ACTR3B: variants seen among roughly 807,000 people sequenced by gnomAD.
ACTR3B encodes the protein actin related protein 3B, also known as actin-related protein 3B.
Under a neutral mutation model 59.0 loss-of-function variants are expected in ACTR3B, and 8 were observed. The observed-to-expected ratio is 0.14, with a 90% CI of 0.08 to 0.24. ACTR3B has a LOEUF of 0.24. ACTR3B is among the 10% of genes least tolerant of loss of function. The pLI is 1.00. For missense variants in ACTR3B, 245 were observed against 552.3 expected, an observed-to-expected ratio of 0.44 and a Z score of 5.58; for synonymous variants, 148 against 197.9, an observed-to-expected ratio of 0.75 and a Z score of 2.12.
At chr7:152,811,678 T>C (rs1795248813) in intron 4 of ACTR3B, 1 of 152,198 alleles carries the variant, frequency 6.6e-6, no homozygotes, top group South Asian at 2.1e-4. Context: ...TTTGATATAT[T>C]TACCCTGTAT....
intron 2 of ACTR3B, among the ~76,000 whole-genome samples, chr7:152,787,261 C>T (rs2098177743): frequency 6.6e-6 from 1 of 152,178 alleles, no homozygotes; most frequent in Non-Finnish European, 1.5e-5. Flanking sequence ...ATTTCTATTT[C>T]TCAGATTACT....
At chr7:152,803,311 G>A (rs2098242705) in intron 4 of ACTR3B, among the ~76,000 whole-genome samples, 1 of 152,192 alleles carries the variant, frequency 6.6e-6, no homozygotes, top group Non-Finnish European at 1.5e-5. Context: ...GCCTCCCAAA[G>A]CGTTGGGATT....
intron 9 of ACTR3B, among the ~76,000 whole-genome samples, chr7:152,827,732 G>A (rs536163411): frequency 2.3e-3 from 343 of 151,658 alleles, no homozygotes; most frequent in African/African-American, 7.6e-3. Flanking sequence ...CTGGAAGCGG[G>A]AGGGTGATAG....
rs534656217 is a variant in ACTR3B at position 152,836,126 on chromosome 7, G to A, written c.951+11004G>A. ...CAGAGATGTGGAGGCCGGAGGGCGGGGGTACAGGTTGGGGTGAGACCTGAG... is the reference window on the plus strand; with the variant it reads ...CAGAGATGTGGAGGCCGGAGGGCGGAGGTACAGGTTGGGGTGAGACCTGAG... On this transcript the variant is annotated intron_variant, in intron 9 of 11. Transcript: ENST00000256001. Among the ~76,000 whole-genome samples, 183 of 151,196 alleles carry A rather than the reference G, an allele frequency of 1.2e-3. 1 individual carries two copies. In the South Asian group the frequency reaches 0.033, roughly 27 times the overall value.
rs2098245316 is a variant in ACTR3B at position 152,804,218 on chromosome 7, A to C, written c.336+2487A>C. Among the ~76,000 whole-genome samples, 4 of 152,200 alleles carry C rather than the reference A, an allele frequency of 2.6e-5. No homozygotes were observed. The South Asian group carries it at 8.3e-4, about 32-fold the overall frequency. ...TCTTCCCCAATATTGCATTGCCCAGAGCTCAGAACGCACTCAGAGATGTCA... is the reference window on the plus strand; with the variant it reads ...TCTTCCCCAATATTGCATTGCCCAGCGCTCAGAACGCACTCAGAGATGTCA... On this transcript the variant is annotated intron_variant, in intron 4 of 11. Coordinates refer to ENST00000256001, the MANE Select transcript of ACTR3B (RefSeq NM_020445.6).
At chr7:152,805,519 ATTATC>A (rs1158502128) in intron 4 of ACTR3B, among the ~76,000 whole-genome samples, 1 of 152,172 alleles carries the variant, frequency 6.6e-6, no homozygotes, top group Non-Finnish European at 1.5e-5. Context: ...CGAATACATG[ATTATC>A]TTGAAATCTC....
chr7:152,763,355 G>A (rs1167080725), intron 1 of ACTR3B, among the ~76,000 whole-genome samples: 1 of 150,284 alleles, frequency 6.7e-6, no homozygotes, highest in African/African-American at 2.4e-5. Flanking sequence ...TCATTTGTGG[G>A]GGAATATTTT....
At chr7:152,845,504 T>C (rs1179697343) in intron 9 of ACTR3B, among the ~76,000 whole-genome samples, 1 of 152,248 alleles carries the variant, frequency 6.6e-6, no homozygotes, top group Non-Finnish European at 1.5e-5. Flanking sequence ...TATTCCGTGC[T>C]GAGCTGGACA....
chr7:152,789,526 G>A (rs1290296383), intron 2 of ACTR3B, among the ~76,000 whole-genome samples: 1 of 150,174 alleles, frequency 6.7e-6, no homozygotes, highest in Non-Finnish European at 1.5e-5. Context: ...CCAGCATATG[G>A]GAATGTTACT....
intron 1 of ACTR3B, among the ~76,000 whole-genome samples, chr7:152,781,389 A>G (rs572481855): frequency 1.3e-5 from 2 of 151,860 alleles, no homozygotes; most frequent in East Asian, 3.9e-4. Flanking sequence ...CTTTTTTACA[A>G]CTGGTGAGAA....
chr7:152,795,410 A>G (rs1471627200), intron 2 of ACTR3B, among the ~76,000 whole-genome samples: 2 of 152,214 alleles, frequency 1.3e-5, no homozygotes. Context: ...ATTCCAGATA[A>G]TCTACTTTTA....
In ACTR3B at chr7:152,766,100, A is replaced by G. The variant is rs1317339251; in HGVS notation, c.44+6174A>G. ...TAAGGTCTGTTCAGGGGTTCCGCAG[A>G]CCACTCCCAGTTCCAGTGACTTGCT... On this transcript the variant is annotated intron_variant, in intron 1 of 11. Coordinates refer to ENST00000256001, the MANE Select transcript of ACTR3B (RefSeq NM_020445.6). 2.6e-5 allele frequency among the ~76,000 whole-genome samples: 4 copies of G among 152,066 alleles called. No individual in the cohort carries two copies. The East Asian group carries it at 5.8e-4, about 22-fold the overall frequency.
chr7:152,854,345 T>A lies in ACTR3B; in HGVS notation c.1162-113T>A. ...AGGTAAAATCTTGCAGCAGCGGTCCTGGGAGGGAGGGTGGAGGCCGGGATG... is the reference window on the plus strand; with the variant it reads ...AGGTAAAATCTTGCAGCAGCGGTCCAGGGAGGGAGGGTGGAGGCCGGGATG... On this transcript the variant is annotated intron_variant, in intron 11 of 11. Transcript: ENST00000256001. The surrounding 1 kb of genome is among the most constrained non-coding windows in gnomAD (Gnocchi z 4.9). The A allele has an allele frequency of 1.1e-6, 1 of 900,950 alleles. No homozygotes were observed. The highest frequency in any genetic ancestry group is 1.8e-6 in the Non-Finnish European group (1 of 550,036). The allele number at this position is 900,950 out of a possible 1,614,324, so 55.8% of individuals were successfully genotyped here. A position where few individuals can be genotyped will look rare whatever the true frequency, so the allele number is the denominator to read the frequency against.
chr7:152,771,212 C>T (rs1031727789), intron 1 of ACTR3B, among the ~76,000 whole-genome samples: 1 of 152,158 alleles, frequency 6.6e-6, no homozygotes, highest in African/African-American at 2.4e-5. Flanking sequence ...GCCTCAGCCT[C>T]CCAAAGTGCT....
intron 9 of ACTR3B, among the ~76,000 whole-genome samples, chr7:152,825,926 A>G (rs1346772762): frequency 1.3e-5 from 2 of 152,302 alleles, no homozygotes; most frequent in Admixed American, 6.5e-5. Context: ...TCTAGTCTAT[A>G]TGATTATTGA....
At chr7:152,844,909 A>G (rs1044621730) in intron 9 of ACTR3B, among the ~76,000 whole-genome samples, 4 of 146,288 alleles carry the variant, frequency 2.7e-5, no homozygotes, top group African/African-American at 1.0e-4. Context: ...CAACAGAAAA[A>G]GCCTGTAATG....
rs2098083315 is a variant in ACTR3B at position 152,759,833 on chromosome 7, A to G, written c.-50A>G. 8 of 1,207,338 alleles carry G rather than the reference A, an allele frequency of 6.6e-6. No individual in the cohort carries two copies. Among genetic ancestry groups the G allele is most frequent in the Admixed American group, 4.3e-5 (1 of 23,114 alleles). 74.8% of individuals were successfully genotyped at this position (1,207,338 alleles called of 1,614,324 possible). Reference sequence around the variant, plus strand: ...CTAGCGGGCGGCGGAGCGGACGGCGACGGGGCGCTCTCGGGCTGCCGGCGG... The same window carrying G: ...CTAGCGGGCGGCGGAGCGGACGGCGGCGGGGCGCTCTCGGGCTGCCGGCGG... On this transcript the variant is annotated 5_prime_UTR_variant, in exon 1 of 12. Coordinates refer to ENST00000256001, the MANE Select transcript of ACTR3B (RefSeq NM_020445.6).
At chr7:152,823,950 A>C (rs2689591) in intron 8 of ACTR3B, among the ~76,000 whole-genome samples, 1 of 152,262 alleles carries the variant, frequency 6.6e-6, no homozygotes, top group Non-Finnish European at 1.5e-5. Context: ...GTCCTGCTCT[A>C]TTCCCTGCTG....
Position 152,852,194 on chromosome 7 carries a change from GA to G in ACTR3B, c.1021del (p.Arg341GlufsTer7). On this transcript the variant is annotated frameshift_variant, in exon 10 of 12. Transcript: ENST00000256001. LOFTEE classifies it high-confidence loss of function. ...GACGCCGACTGCAGAGGGATTTGAA[GA>G]GAGTGGTGGATGCTAGGCTGAGGCT... ...FGRRLQRDLK[R>X]VVDARLRLSE... 1 of 1,614,096 alleles carries G rather than the reference GA, an allele frequency of 6.2e-7. No homozygotes were observed. The highest frequency in any genetic ancestry group is 8.5e-7 in the Non-Finnish European group (1 of 1,180,010).
Sources: allele counts gnomAD v4.1 joint callset (sites outside exome capture counted in the v4.1 genomes callset), GRCh38; gene constraint gnomAD v4.1.1; non-coding constraint Gnocchi (gnomAD v3.1); transcripts MANE v1.5; gene names NCBI Gene and HGNC (gene_info 2026-07-23, HGNC 2026-07-21).